The following DENND1A variants were observed in gnomAD, a reference collection of about 807,000 sequenced individuals.
The protein encoded by DENND1A is DENN domain containing 1A, also known as DENN domain-containing protein 1A.
A neutral mutation model predicts 113.7 loss-of-function variants in DENND1A; 51 were observed. The ratio of observed to expected loss-of-function variants is 0.45; its 90% CI spans 0.36 to 0.57. The LOEUF is 0.57. DENND1A is among the 20% of genes least tolerant of loss of function. The probability of loss-of-function intolerance (pLI) is 0.00; values close to 1 mark genes in which losing one functional copy is unlikely to be tolerated. For synonymous variants in DENND1A, 565 were observed against 570.8 expected (o/e 0.99, Z 0.14); for missense variants, 1,258 against 1,395.9 (o/e 0.90, Z 1.57).
chr9:123,562,118 A>T (rs772117540), intron 12 of DENND1A, among the ~76,000 whole-genome samples: 2 of 152,140 alleles, frequency 1.3e-5, no homozygotes, highest in Non-Finnish European at 2.9e-5. Flanking sequence ...CTCCATCAAA[A>T]CCCTTCGGTG....
At chr9:123,424,643 C>G (rs531989155) in intron 19 of DENND1A, among the ~76,000 whole-genome samples, 10 of 152,338 alleles carry the variant, frequency 6.6e-5, no homozygotes, top group East Asian at 3.9e-4. Flanking sequence ...CAAGCTCCCC[C>G]ACCTGGGGTG....
chr9:123,822,084 G>A (rs966034436), intron 2 of DENND1A, among the ~76,000 whole-genome samples: 7 of 152,214 alleles, frequency 4.6e-5, no homozygotes, highest in Middle Eastern at 3.4e-3. Flanking sequence ...ATCCTTAGAC[G>A]CTTTGGCTTC....
chr9:123,594,702 C>T (rs528675741), intron 11 of DENND1A, among the ~76,000 whole-genome samples: 13 of 152,168 alleles, frequency 8.5e-5, no homozygotes, highest in Admixed American at 5.2e-4. Context: ...ATAATTTGCC[C>T]GTGTTCTTAC....
At chr9:123,472,762 C>T (rs2049542831) in intron 13 of DENND1A, among the ~76,000 whole-genome samples, 1 of 152,198 alleles carries the variant, frequency 6.6e-6, no homozygotes, top group Admixed American at 6.5e-5. Context: ...ACCCCGCCCA[C>T]CGCGGCTCCT....
At chr9:123,785,086 T>C (rs1361952933) in intron 3 of DENND1A, among the ~76,000 whole-genome samples, 2 of 152,250 alleles carry the variant, frequency 1.3e-5, no homozygotes, top group Middle Eastern at 6.8e-3. Context: ...GAGCATGGAA[T>C]CCCAGCACTT....
At position 123,403,487 on chromosome 9, in the gene DENND1A, G is replaced by A. The variant is rs554854472; in HGVS notation, c.1546C>T (p.Arg516Cys). Residue 516 changes from arginine (R) to cysteine (C), a missense_variant, in exon 21 of 24, where the codon CGC becomes TGC. By Grantham distance (180) the Arg-to-Cys change is radical. Transcript: ENST00000394215. ...PPKIQRSRPV[R>C]PPRPHVVKRP... ...TTAACAACATGTGGACGAGGTGGGC[G>A]CACCTAGAGGAGGTACAGGGGGAGA... The A allele has an allele frequency of 2.4e-5, 39 of 1,613,784 alleles. No individual in the cohort carries two copies. Among genetic ancestry groups the A allele is most frequent in the African/African-American group, 5.3e-5 (4 of 74,908 alleles).
At chr9:123,624,133 A>G (rs1307916553) in intron 10 of DENND1A, among the ~76,000 whole-genome samples, 1 of 152,218 alleles carries the variant, frequency 6.6e-6, no homozygotes, top group African/African-American at 2.4e-5. Context: ...TACAGGAGAT[A>G]ATAGTTTTCA....
chr9:123,694,872 A>C (rs1314381549), intron 5 of DENND1A, among the ~76,000 whole-genome samples: 6 of 152,200 alleles, frequency 3.9e-5, no homozygotes, highest in African/African-American at 1.4e-4. Context: ...GAAGGATACA[A>C]AGTATTGATC....
chr9:123,621,256 G>T (rs1167299546), intron 10 of DENND1A, among the ~76,000 whole-genome samples: 1 of 151,072 alleles, frequency 6.6e-6, no homozygotes, highest in Non-Finnish European at 1.5e-5. Flanking sequence ...CACGATCTTG[G>T]CTCACTGTAA....
chr9:123,753,806 G>C (rs16926802), intron 5 of DENND1A, among the ~76,000 whole-genome samples: 8,108 of 152,266 alleles, frequency 0.053, 352 homozygotes, highest in African/African-American at 0.12. Context: ...TGTAACTAAA[G>C]AATGCAAAGC....
chr9:123,608,663 C>T (rs1336308009), intron 11 of DENND1A, among the ~76,000 whole-genome samples: 2 of 152,212 alleles, frequency 1.3e-5, no homozygotes, highest in African/African-American at 4.8e-5. Flanking sequence ...CCAAGCATTT[C>T]TACTTTAGGG....
At chr9:123,426,550 G>C (rs941787876) in intron 19 of DENND1A, among the ~76,000 whole-genome samples, 1 of 152,150 alleles carries the variant, frequency 6.6e-6, no homozygotes, top group Non-Finnish European at 1.5e-5. Flanking sequence ...AGGCAGAATG[G>C]AGCCAGGGAG....
At chr9:123,787,169 C>CAAA (rs5900587) in intron 3 of DENND1A, among the ~76,000 whole-genome samples, 1 of 151,394 alleles carries the variant, frequency 6.6e-6, no homozygotes, top group Non-Finnish European at 1.5e-5. Flanking sequence ...AATAATGATG[C>CAAA]AAAAAAAATC....
At chr9:123,748,401 C>T (rs1444131148) in intron 5 of DENND1A, among the ~76,000 whole-genome samples, 1 of 152,146 alleles carries the variant, frequency 6.6e-6, no homozygotes, top group African/African-American at 2.4e-5. Context: ...TAATTGATTG[C>T]TAGAATTGTA....
chr9:123,704,930 C>T (rs1032682483), intron 5 of DENND1A, among the ~76,000 whole-genome samples: 4 of 151,768 alleles, frequency 2.6e-5, no homozygotes, highest in African/African-American at 9.7e-5. Flanking sequence ...AAACAAGCAA[C>T]ATGAAAGAGA....
chr9:123,848,700 G>T (rs921915878), intron 2 of DENND1A, among the ~76,000 whole-genome samples: 1 of 152,172 alleles, frequency 6.6e-6, no homozygotes, highest in Non-Finnish European at 1.5e-5. Context: ...TAGGCTCAAA[G>T]TTAGTCTTCT....
chr9:123,830,493 A>G (rs1245453289), intron 2 of DENND1A, among the ~76,000 whole-genome samples: 1 of 152,110 alleles, frequency 6.6e-6, no homozygotes, highest in Non-Finnish European at 1.5e-5. Flanking sequence ...GTTATAAATC[A>G]ATCAAAAAAC....
At chr9:123,415,316 C>T (rs1211948626) in intron 19 of DENND1A, among the ~76,000 whole-genome samples, 2 of 152,106 alleles carry the variant, frequency 1.3e-5, no homozygotes, top group South Asian at 2.1e-4. Flanking sequence ...CTGCACTCAC[C>T]GACCCTGGGC....
intron 13 of DENND1A, among the ~76,000 whole-genome samples, chr9:123,474,141 T>C (rs887242634): frequency 9.2e-5 from 14 of 151,900 alleles, no homozygotes; most frequent in Admixed American, 2.0e-4. Flanking sequence ...ATTACAGGCA[T>C]GCACCACCAT....
Sources: allele counts gnomAD v4.1 joint callset (sites outside exome capture counted in the v4.1 genomes callset), GRCh38; gene constraint gnomAD v4.1.1; transcripts MANE v1.5; gene names NCBI Gene and HGNC (gene_info 2026-07-23, HGNC 2026-07-21).